MIEF1: variants seen among roughly 807,000 people sequenced by gnomAD.
MIEF1 encodes the protein mitochondrial elongation factor 1.
Under a neutral mutation model 35.1 loss-of-function variants are expected in MIEF1, and 14 were observed. The observed-to-expected ratio is 0.40, with a 90% CI of 0.26 to 0.62. The LOEUF (loss-of-function observed/expected upper bound fraction) is 0.62, where lower values mean the gene tolerates loss of function less well. Ranked by LOEUF, MIEF1 falls within the 20% of genes least tolerant of loss-of-function variation. MIEF1 has a pLI of 0.43. For missense variants in MIEF1, 542 were observed against 615.4 expected, an observed-to-expected ratio of 0.88 and a Z score of 1.26; for synonymous variants, 245 against 254.3, an observed-to-expected ratio of 0.96 and a Z score of 0.35.
At chr22:39,500,802 C>T (rs1341159872), upstream of MIEF1, among the ~76,000 whole-genome samples, 1 of 152,048 alleles carries the variant, frequency 6.6e-6, no homozygotes, top group East Asian at 1.9e-4. Context: ...TCAAGCAATT[C>T]TCCTGCCTCA....
In MIEF1 at chr22:39,517,563, T is replaced by G. The variant is rs1316963613; in HGVS notation, c.*3240T>G. 2 of 471,186 alleles carry G rather than the reference T, an allele frequency of 4.2e-6. No individual in the cohort carries two copies. The highest frequency in any genetic ancestry group is 8.8e-6 in the Non-Finnish European group (2 of 227,064). The allele number at this position is 471,186 out of a possible 1,614,324, so 29.2% of individuals were successfully genotyped here. A position where few individuals can be genotyped will look rare whatever the true frequency, so the allele number is the denominator to read the frequency against. On this transcript the variant is annotated 3_prime_UTR_variant, in exon 6 of 6. Transcript: ENST00000325301. ...AGGAGAGGCCCCGAGGTGGGAGGGT[T>G]CTGTAAATACAGACTACTGCGAGTG...
chr22:39,512,330 A>G lies in MIEF1; in HGVS notation c.421A>G (p.Thr141Ala), dbSNP rs111676774. 6.2e-7 allele frequency: 1 copy of G among 1,614,248 alleles called. No individual in the cohort carries two copies. The highest frequency in any genetic ancestry group is 1.7e-5 in the Admixed American group (1 of 60,036). Residue 141 changes from threonine (T) to alanine (A), a missense_variant, in exon 5 of 6, where the codon ACT becomes GCT. Physicochemically the swap from Thr to Ala is moderately conservative, Grantham distance 58 (BLOSUM62 0). Coordinates refer to ENST00000325301, the MANE Select transcript of MIEF1 (RefSeq NM_019008.6). ...LRMSLQEKLL[T>A]YYRNRAAIPA... Reference sequence around the variant, plus strand: ...CATGTCCCTGCAGGAGAAACTTCTTACTTACTACCGGAACCGGGCAGCCAT... The same window carrying G: ...CATGTCCCTGCAGGAGAAACTTCTTGCTTACTACCGGAACCGGGCAGCCAT...
rs1930684198 is a variant in MIEF1 at position 39,516,597 on chromosome 22, G to C, written c.*2274G>C. On this transcript the variant is annotated 3_prime_UTR_variant, in exon 6 of 6. Coordinates refer to ENST00000325301, the MANE Select transcript of MIEF1 (RefSeq NM_019008.6). ...AGGCGCCTATAATCCCAGCTACTCGGGAGGCTGAGGCAGGAGAATAACTTA... is the reference window on the plus strand; with the variant it reads ...AGGCGCCTATAATCCCAGCTACTCGCGAGGCTGAGGCAGGAGAATAACTTA... The C allele has an allele frequency of 6.6e-6, 1 of 152,238 alleles. No homozygotes were observed. Among genetic ancestry groups the C allele is most frequent in the Non-Finnish European group, 1.5e-5 (1 of 68,060 alleles). 9.4% of individuals were successfully genotyped at this position (152,238 alleles called of 1,614,324 possible). A position where few individuals can be genotyped will look rare whatever the true frequency, so the allele number is the denominator to read the frequency against.
At chr22:39,512,545 GTGT>G in intron 5 of MIEF1, 51 bp downstream of exon 5, 2 of 1,565,036 alleles carry the variant, frequency 1.3e-6, no homozygotes, top group Non-Finnish European at 1.7e-6. Flanking sequence ...GAGCACCATA[GTGT>G]TGTTGGCACA....
chr22:39,507,691 C>G (rs1930115196), intron 2 of MIEF1, among the ~76,000 whole-genome samples: 1 of 151,646 alleles, frequency 6.6e-6, no homozygotes, highest in Non-Finnish European at 1.5e-5. Flanking sequence ...TGGTGAAACC[C>G]TGTCTCTACT....
At chr22:39,507,035 A>T (rs904586908) in intron 2 of MIEF1, among the ~76,000 whole-genome samples, 1 of 152,310 alleles carries the variant, frequency 6.6e-6, no homozygotes, top group African/African-American at 2.4e-5. Flanking sequence ...CTTACCTGCT[A>T]GTAGGCTGTA....
rs1038570630 is a variant in MIEF1 at position 39,514,910 on chromosome 22, A to G, written c.*587A>G. The G allele has an allele frequency of 1.0e-5, 3 of 291,398 alleles. No individual in the cohort carries two copies. The highest frequency in any genetic ancestry group is 1.9e-5 in the Non-Finnish European group (3 of 155,380). The allele number at this position is 291,398 out of a possible 1,614,324, so 18.1% of individuals were successfully genotyped here. A position where few individuals can be genotyped will look rare whatever the true frequency, so the allele number is the denominator to read the frequency against. The stretch of plus-strand genomic sequence containing the variant: ...GTTGGCCTTTGACCACGGTTCCTGG[A>G]GTAGAAGTCCATCCTCCCCCCAACC... On this transcript the variant is annotated 3_prime_UTR_variant, in exon 6 of 6. Coordinates refer to ENST00000325301, the MANE Select transcript of MIEF1 (RefSeq NM_019008.6).
chr22:39,509,434 A>C (rs908473392), intron 2 of MIEF1: 1 of 152,344 alleles, frequency 6.6e-6, no homozygotes, highest in African/African-American at 2.4e-5. Context: ...CCAGGGTTCT[A>C]ACTCCACAGG....
chr22:39,515,708 A>G lies in MIEF1; in HGVS notation c.*1385A>G. On this transcript the variant is annotated 3_prime_UTR_variant, in exon 6 of 6. Transcript: ENST00000325301. The stretch of plus-strand genomic sequence containing the variant: ...GTTTAATCTACCATGTCCGTGTGTC[A>G]TCTTGGTTTGTGTTTTTCCCTGTTT... 1 of 244,358 alleles carries G rather than the reference A, an allele frequency of 4.1e-6. No homozygotes were observed. Among genetic ancestry groups the G allele is most frequent in the Admixed American group, 5.2e-5 (1 of 19,386 alleles). 15.1% of individuals were successfully genotyped at this position (244,358 alleles called of 1,614,324 possible). A position where few individuals can be genotyped will look rare whatever the true frequency, so the allele number is the denominator to read the frequency against.
At chr22:39,502,146 G>A (rs1929738963), upstream of MIEF1, 2 of 152,304 alleles carry the variant, frequency 1.3e-5, no homozygotes, top group Non-Finnish European at 2.9e-5. Flanking sequence ...AGTCCTCTGG[G>A]GGCGGGGCGC....
In MIEF1 at chr22:39,511,898, A is replaced by G. The variant is rs1569018637; in HGVS notation, c.194A>G (p.His65Arg). ...SAPTSPTRLS[H>R]SGKRSWEEPN... ...CCTACCAGCCCCACCCGCCTGAGCC[A>G]TTCGGGGAAAAGGAGCTGGGAAGAA... The change falls in exon 4 of 6, where the codon CAT (histidine) becomes CGT (arginine). Residue 65 changes from histidine (H) to arginine (R), a missense_variant. By Grantham distance (29) the His-to-Arg change is conservative. Coordinates refer to ENST00000325301, the MANE Select transcript of MIEF1 (RefSeq NM_019008.6). The G allele has an allele frequency of 1.2e-6, 2 of 1,614,204 alleles. No homozygotes were observed. The highest frequency in any genetic ancestry group is 1.6e-4 in the Middle Eastern group (1 of 6,062).
At position 39,515,109 on chromosome 22, in the gene MIEF1, C is replaced by T. The variant is rs1200145497; in HGVS notation, c.*786C>T. ...AGGGCCTAGTGAAGGGTTTGTGTGC[C>T]CAGTGTCTGCTCGTCATCTGTGGCT... is the stretch of plus-strand genomic sequence containing the variant. On this transcript the variant is annotated 3_prime_UTR_variant, in exon 6 of 6. Transcript: ENST00000325301. 8.1e-6 allele frequency: 5 copies of T among 617,428 alleles called. No individual in the cohort carries two copies. Among genetic ancestry groups the T allele is most frequent in the South Asian group, 1.9e-5 (1 of 51,354 alleles). The allele number at this position is 617,428 out of a possible 1,614,324, so 38.2% of individuals were successfully genotyped here.
In MIEF1 at chr22:39,511,153, T is replaced by C. The variant is rs1419594654; in HGVS notation, c.-7-135T>C. On this transcript the variant is annotated intron_variant, in intron 2 of 5. Coordinates refer to ENST00000325301, the MANE Select transcript of MIEF1 (RefSeq NM_019008.6). The stretch of plus-strand genomic sequence containing the variant: ...GTAGCTCCCTCCAGACCCTAAAGCA[T>C]GCAGTGCTGGAGGCAAGAAGATTTG... The C allele has an allele frequency of 6.6e-6, 7 of 1,068,396 alleles. No individual in the cohort carries two copies. In the South Asian group the frequency reaches 1.1e-4, roughly 17 times the overall value. The allele number at this position is 1,068,396 out of a possible 1,614,324, so 66.2% of individuals were successfully genotyped here.
At position 39,513,516 on chromosome 22, in the gene MIEF1, G is replaced by A. The variant is rs1256294482; in HGVS notation, c.586-1G>A. On this transcript the variant is annotated splice_acceptor_variant, in intron 5 of 5. Coordinates refer to ENST00000325301, the MANE Select transcript of MIEF1 (RefSeq NM_019008.6). LOFTEE classifies it high-confidence loss of function. ...AAACCCTTTAAATTCTGCCCTGACA[G>A]GTGGTGACAGCTGACCACATCCAAC... 14 of 1,613,158 alleles carry A rather than the reference G, an allele frequency of 8.7e-6. No individual in the cohort carries two copies. The highest frequency in any genetic ancestry group is 1.2e-5 in the Non-Finnish European group (14 of 1,179,204).
rs757068549 is a variant in MIEF1 at position 39,511,230 on chromosome 22, G to T, written c.-7-58G>T. 1.6e-4 allele frequency: 254 copies of T among 1,606,492 alleles called. 1 individual carries two copies. The highest frequency in any genetic ancestry group is 2.1e-4 in the Non-Finnish European group (250 of 1,177,500). On this transcript the variant is annotated intron_variant, in intron 2 of 5. Coordinates refer to ENST00000325301, the MANE Select transcript of MIEF1 (RefSeq NM_019008.6). Reference sequence around the variant, plus strand: ...GTACTTGTTGGGGTTTGGCTTGTTAGGGGAGGGAGGTTCTTGGGGTCCCAG... The same window carrying T: ...GTACTTGTTGGGGTTTGGCTTGTTATGGGAGGGAGGTTCTTGGGGTCCCAG...
intron 5 of MIEF1, 119 bp downstream of exon 5, chr22:39,512,613 G>A (rs950689818): frequency 1.5e-5 from 19 of 1,293,640 alleles, no homozygotes; most frequent in African/African-American, 3.0e-5. Flanking sequence ...TCCGAATCCT[G>A]TGTACCTCAG....
chr22:39,502,107 C>G (rs985998308), upstream of MIEF1: 10 of 152,300 alleles, frequency 6.6e-5, no homozygotes, highest in African/African-American at 2.4e-4. Flanking sequence ...GGGACCACCC[C>G]GGTACCCACA....
Position 39,517,719 on chromosome 22 carries a change from C to T in MIEF1, c.*3396C>T. 2.4e-6 allele frequency: 1 copy of T among 419,798 alleles called. No individual in the cohort carries two copies. Among genetic ancestry groups the T allele is most frequent in the South Asian group, 1.7e-5 (1 of 57,458 alleles). 26.0% of individuals were successfully genotyped at this position (419,798 alleles called of 1,614,324 possible). On this transcript the variant is annotated 3_prime_UTR_variant, in exon 6 of 6. Coordinates refer to ENST00000325301, the MANE Select transcript of MIEF1 (RefSeq NM_019008.6). ...AAGGAGAATGATAGGAGACTTAGGA[C>T]AGAGCTGACCCTTGCACCAGGCTGG...
chr22:39,506,734 A>G (rs1930034707), intron 2 of MIEF1, among the ~76,000 whole-genome samples: 1 of 152,228 alleles, frequency 6.6e-6, no homozygotes, highest in African/African-American at 2.4e-5. Flanking sequence ...TAGGGTGATG[A>G]GCATTTCTGT....
Sources: gnomAD v4.1 joint callset for allele counts (sites outside exome capture counted in the v4.1 genomes callset) on GRCh38, gnomAD v4.1.1 for gene constraint, MANE v1.5 for transcripts, NCBI Gene and HGNC (gene_info 2026-07-23, HGNC 2026-07-21) for gene names.